Variants in CACNA2D3 observed in about 807,000 individuals in gnomAD.
The protein encoded by CACNA2D3 is calcium voltage-gated channel auxiliary subunit alpha2delta 3.
In CACNA2D3, 60 loss-of-function variants were observed where a neutral mutation model predicts 160.6. The observed-to-expected ratio is 0.37, with a 90% CI of 0.30 to 0.46. The LOEUF is 0.46. CACNA2D3 is among the 20% of genes least tolerant of loss of function. The probability of loss-of-function intolerance (pLI) is 1.00; values close to 1 mark genes in which losing one functional copy is unlikely to be tolerated. For synonymous variants in CACNA2D3, 558 were observed against 492.9 expected, an observed-to-expected ratio of 1.13 and a Z score of -1.75; for missense variants, 1,205 against 1,365.0, an observed-to-expected ratio of 0.88 and a Z score of 1.85.
At chr3:54,202,422 T>G (rs904631266) in intron 2 of CACNA2D3, among the ~76,000 whole-genome samples, 2 of 152,260 alleles carry the variant, frequency 1.3e-5, no homozygotes, top group Non-Finnish European at 2.9e-5. Flanking sequence ...TTACCACGTC[T>G]TCTTCATGCC....
chr3:54,334,927 T>G (rs1704341460), intron 3 of CACNA2D3, among the ~76,000 whole-genome samples: 1 of 152,208 alleles, frequency 6.6e-6, no homozygotes, highest in Non-Finnish European at 1.5e-5. Flanking sequence ...TTGCCCGATT[T>G]ACTTAAACTC....
chr3:54,686,404 T>C (rs1700449998), intron 11 of CACNA2D3, among the ~76,000 whole-genome samples: 2 of 152,350 alleles, frequency 1.3e-5, no homozygotes, highest in East Asian at 3.9e-4. Flanking sequence ...AGGAAGGATA[T>C]AAATTTGTTA....
intron 11 of CACNA2D3, among the ~76,000 whole-genome samples, chr3:54,740,215 G>A (rs1435587640): frequency 6.6e-6 from 1 of 152,074 alleles, no homozygotes; most frequent in Non-Finnish European, 1.5e-5. Context: ...AGGGAACCAG[G>A]ACAGCCGTAC....
chr3:54,223,458 C>T (rs1701610939), intron 2 of CACNA2D3, among the ~76,000 whole-genome samples: 1 of 152,134 alleles, frequency 6.6e-6, no homozygotes, highest in African/African-American at 2.4e-5. Flanking sequence ...ATGGAGCTTG[C>T]AGGAGTGGAA....
chr3:54,807,603 G>T (rs1363779697), intron 13 of CACNA2D3, among the ~76,000 whole-genome samples: 2 of 151,666 alleles, frequency 1.3e-5, no homozygotes, highest in African/African-American at 4.8e-5. Context: ...TGACACTGTT[G>T]GTGGGACTGT....
intron 2 of CACNA2D3, among the ~76,000 whole-genome samples, chr3:54,269,429 T>G (rs182795523): frequency 1.3e-5 from 2 of 152,132 alleles, no homozygotes; most frequent in African/African-American, 2.4e-5. Flanking sequence ...TAATGAAGAA[T>G]AAGATAAAGA....
At chr3:54,586,473 C>T (rs1702764016) in intron 9 of CACNA2D3, among the ~76,000 whole-genome samples, 1 of 152,080 alleles carries the variant, frequency 6.6e-6, no homozygotes, top group South Asian at 2.1e-4. Flanking sequence ...CATAGAAAAA[C>T]ATTACAATCC....
chr3:54,802,208 G>T (rs191966846), intron 13 of CACNA2D3, among the ~76,000 whole-genome samples: 1 of 152,270 alleles, frequency 6.6e-6, no homozygotes, highest in Admixed American at 6.5e-5. Flanking sequence ...ATTATGGAGT[G>T]AGCAACAGGG....
intron 11 of CACNA2D3, among the ~76,000 whole-genome samples, chr3:54,675,399 A>G (rs931598809): frequency 1.3e-5 from 2 of 152,304 alleles, no homozygotes; most frequent in East Asian, 1.9e-4. Flanking sequence ...AGAGGCAGTC[A>G]TGTGGGGATA....
chr3:54,397,773 C>T (rs868124061), intron 4 of CACNA2D3, among the ~76,000 whole-genome samples: 197 of 19,090 alleles, frequency 0.01, 3 homozygotes, highest in South Asian at 0.03. Context: ...TGGTGTGGTG[C>T]TGAAAAAAAT....
intron 2 of CACNA2D3, among the ~76,000 whole-genome samples, chr3:54,258,948 G>A (rs987943532): frequency 4.6e-5 from 7 of 152,192 alleles, no homozygotes. Flanking sequence ...TCATGTCTCT[G>A]CCATACTGGA....
chr3:55,028,261 G>A (rs1225672731), intron 35 of CACNA2D3, among the ~76,000 whole-genome samples: 1 of 152,156 alleles, frequency 6.6e-6, no homozygotes, highest in Non-Finnish European at 1.5e-5. Context: ...AACATACAGG[G>A]ACAGTATGTA....
intron 8 of CACNA2D3, among the ~76,000 whole-genome samples, chr3:54,577,516 G>T (rs2106732890): frequency 6.6e-6 from 1 of 152,334 alleles, no homozygotes; most frequent in South Asian, 2.1e-4. Context: ...CAAAGAGTGA[G>T]TCACTTTGCC....
intron 2 of CACNA2D3, among the ~76,000 whole-genome samples, chr3:54,237,502 A>G (rs1316808561): frequency 6.6e-6 from 1 of 152,186 alleles, no homozygotes; most frequent in Non-Finnish European, 1.5e-5. Context: ...TACAAATGAA[A>G]TACAGGTCCA....
chr3:54,326,454 A>G (rs970379108), intron 3 of CACNA2D3, among the ~76,000 whole-genome samples: 2 of 152,174 alleles, frequency 1.3e-5, no homozygotes, highest in African/African-American at 4.8e-5. Context: ...TCCATCCCCA[A>G]AATATAAGCT....
At chr3:54,974,031 G>A (rs187157540) in intron 29 of CACNA2D3, among the ~76,000 whole-genome samples, 24 of 152,158 alleles carry the variant, frequency 1.6e-4, no homozygotes, top group Admixed American at 1.1e-3. Context: ...GTACAATACC[G>A]GGTTTCTAAG....
At chr3:54,727,453 C>T (rs967602097) in intron 11 of CACNA2D3, among the ~76,000 whole-genome samples, 2 of 152,166 alleles carry the variant, frequency 1.3e-5, no homozygotes, top group African/African-American at 4.8e-5. Context: ...AAGACACATG[C>T]ACACATATGT....
chr3:54,999,050 A>T (rs976701677), intron 31 of CACNA2D3, among the ~76,000 whole-genome samples: 6 of 152,154 alleles, frequency 3.9e-5, no homozygotes, highest in African/African-American at 1.2e-4. Context: ...CCGGCCAGCT[A>T]AAGTTGTTTA....
intron 11 of CACNA2D3, among the ~76,000 whole-genome samples, chr3:54,739,079 C>T (rs1355415583): frequency 1.3e-5 from 2 of 151,588 alleles, no homozygotes; most frequent in Non-Finnish European, 2.9e-5. Flanking sequence ...TGCAGTGAGC[C>T]GAGATCATGC....
Sources: allele counts gnomAD v4.1 joint callset (sites outside exome capture counted in the v4.1 genomes callset), GRCh38; gene constraint gnomAD v4.1.1; transcripts MANE v1.5; gene names NCBI Gene and HGNC (gene_info 2026-07-23, HGNC 2026-07-21).